Variants in MEGF9 observed in about 807,000 individuals in gnomAD.
MEGF9 encodes the protein multiple epidermal growth factor-like domains protein 9.
Under a neutral mutation model 46.8 loss-of-function variants are expected in MEGF9, and 6 were observed. That is an observed-to-expected ratio of 0.13 (90% CI 0.07 to 0.25). MEGF9 has a LOEUF of 0.25. MEGF9 is among the 10% of genes least tolerant of loss of function. MEGF9 has a pLI of 1.00. For synonymous variants in MEGF9, 302 were observed against 330.7 expected (o/e 0.91, Z 0.94); for missense variants, 683 against 792.4 (o/e 0.86, Z 1.66).
intron 2 of MEGF9, among the ~76,000 whole-genome samples, chr9:120,625,604 G>C (rs1007893348): frequency 2.0e-5 from 3 of 151,964 alleles, no homozygotes; most frequent in African/African-American, 7.3e-5. Flanking sequence ...CGGAGGCTGA[G>C]GCGAGTGGAT....
intron 1 of MEGF9, among the ~76,000 whole-genome samples, chr9:120,671,190 T>C (rs759651280): frequency 1.7e-4 from 26 of 152,202 alleles, no homozygotes; most frequent in Non-Finnish European, 3.4e-4. Context: ...TTACTGAGGA[T>C]TTTACTATGA....
chr9:120,698,996 T>C (rs1194249120), intron 1 of MEGF9, among the ~76,000 whole-genome samples: 3 of 152,172 alleles, frequency 2.0e-5, no homozygotes, highest in Non-Finnish European at 4.4e-5. Flanking sequence ...TGCTTTGGGC[T>C]TTCAGGGGCC....
chr9:120,608,052 C>A, intron 4 of MEGF9, 42 bp from the exon 5 acceptor site: 1 of 1,596,956 alleles, frequency 6.3e-7, no homozygotes, highest in Admixed American at 1.7e-5. Context: ...CAGTCTGAAG[C>A]TACAATTAAA....
rs555529288 is a variant in MEGF9 at position 120,631,433 on chromosome 9, T to C, written c.804-8678A>G. Among the ~76,000 whole-genome samples the C allele has an allele frequency of 9.2e-5, 14 of 152,276 alleles. No individual in the cohort carries two copies. In the South Asian group the frequency reaches 2.3e-3, roughly 25 times the overall value. On this transcript the variant is annotated intron_variant, in intron 2 of 5. Coordinates refer to ENST00000373930, the MANE Select transcript of MEGF9 (RefSeq NM_001080497.3). ...GTGTTGCCTCCAGCTTTGTTCTTTT[T>C]GCTCAGAATTTGAGTATTTGAGGTC...
Position 120,713,912 on chromosome 9 carries a change from C to G in MEGF9, c.447G>C (p.Ser149=), listed in dbSNP as rs917437821. Residue 149 remains serine (S), a synonymous_variant, in exon 1 of 6, where the codon TCG becomes TCC. Coordinates refer to ENST00000373930, the MANE Select transcript of MEGF9 (RefSeq NM_001080497.3). Reference sequence around the variant, plus strand: ...TGGTCGGCGCCGGGCCAGTGGTCGTCGAAAGGGTGGTCGGCGCGGGTCTGG... The same window carrying G: ...TGGTCGGCGCCGGGCCAGTGGTCGTGGAAAGGGTGGTCGGCGCGGGTCTGG... The part of the protein sequence containing the change: ...APTRPAPTTL[S]TTTGPAPTTP... 4.5e-6 allele frequency: 6 copies of G among 1,335,998 alleles called. No individual in the cohort carries two copies. In the African/African-American group the frequency reaches 7.5e-5, roughly 17 times the overall value. The allele number at this position is 1,335,998 out of a possible 1,614,324, so 82.8% of individuals were successfully genotyped here. A position where few individuals can be genotyped will look rare whatever the true frequency, so the allele number is the denominator to read the frequency against.
At chr9:120,647,807 T>C (rs1022085436) in intron 2 of MEGF9, among the ~76,000 whole-genome samples, 3 of 152,188 alleles carry the variant, frequency 2.0e-5, no homozygotes, top group African/African-American at 4.8e-5. Context: ...TTTTGAAACC[T>C]AACATCATCA....
chr9:120,689,297 A>T (rs1484882075), intron 1 of MEGF9, among the ~76,000 whole-genome samples: 1 of 152,188 alleles, frequency 6.6e-6, no homozygotes, highest in Non-Finnish European at 1.5e-5. Flanking sequence ...GTGTAACAAC[A>T]TCAAGGCAAA....
intron 2 of MEGF9, among the ~76,000 whole-genome samples, chr9:120,626,639 T>A (rs1157879185): frequency 6.6e-6 from 1 of 152,186 alleles, no homozygotes; most frequent in Non-Finnish European, 1.5e-5. Flanking sequence ...GCTTCAGAAT[T>A]TCCATTATTT....
intron 4 of MEGF9, among the ~76,000 whole-genome samples, chr9:120,610,911 AATG>A (rs2043442322): frequency 6.6e-6 from 1 of 152,186 alleles, no homozygotes; most frequent in Non-Finnish European, 1.5e-5. Flanking sequence ...ATTTCAACTC[AATG>A]ATAACAAGAT....
At chr9:120,703,436 A>G (rs2132344614) in intron 1 of MEGF9, among the ~76,000 whole-genome samples, 1 of 152,352 alleles carries the variant, frequency 6.6e-6, no homozygotes, top group South Asian at 2.1e-4. Flanking sequence ...AGTGTTTGCC[A>G]GTCATAAAGT....
rs923016945 is a variant in MEGF9 at position 120,704,333 on chromosome 9, C to T, written c.601+9425G>A. ...TGGGCGACAGAGCGAGACTGTGTCT[C>T]AAAAAAAAAAAAAAGAGATGAAATT... is the stretch of plus-strand genomic sequence containing the variant. On this transcript the variant is annotated intron_variant, in intron 1 of 5. Transcript: ENST00000373930. Among the ~76,000 whole-genome samples, 4 of 122,550 alleles carry T rather than the reference C, an allele frequency of 3.3e-5. No individual in the cohort carries two copies. In the East Asian group the frequency reaches 7.1e-4, roughly 22 times the overall value. 80.4% of individuals were successfully genotyped at this position (122,550 alleles called of 152,430 possible).
At chr9:120,619,117 A>G (rs1328228734) in intron 3 of MEGF9, among the ~76,000 whole-genome samples, 1 of 152,010 alleles carries the variant, frequency 6.6e-6, no homozygotes, top group Non-Finnish European at 1.5e-5. Context: ...AGGCCGAGGC[A>G]GGCGGATCAC....
chr9:120,629,168 C>T (rs1247158902), intron 2 of MEGF9, among the ~76,000 whole-genome samples: 1 of 152,052 alleles, frequency 6.6e-6, no homozygotes, highest in Non-Finnish European at 1.5e-5. Context: ...TTTGTAGAGA[C>T]AGGTTCACAT....
chr9:120,668,652 T>C (rs1451116999), intron 1 of MEGF9, among the ~76,000 whole-genome samples: 3 of 152,172 alleles, frequency 2.0e-5, no homozygotes, highest in Non-Finnish European at 4.4e-5. Flanking sequence ...CTGGAAAAGG[T>C]TGTAAAGGCT....
chr9:120,636,658 G>A (rs182989322), intron 2 of MEGF9, among the ~76,000 whole-genome samples: 28 of 152,054 alleles, frequency 1.8e-4, no homozygotes, highest in African/African-American at 6.5e-4. Context: ...TTCCTTCACT[G>A]TTTTTTTTAA....
intron 2 of MEGF9, among the ~76,000 whole-genome samples, chr9:120,631,781 G>A (rs1323302790): frequency 2.0e-5 from 3 of 151,990 alleles, no homozygotes; most frequent in East Asian, 1.9e-4. Context: ...CACTGTGCCC[G>A]GCCCTGTATT....
At position 120,605,157 on chromosome 9, in the gene MEGF9, T is replaced by C; in HGVS notation, c.*33A>G. On this transcript the variant is annotated 3_prime_UTR_variant, in exon 6 of 6. Coordinates refer to ENST00000373930, the MANE Select transcript of MEGF9 (RefSeq NM_001080497.3). This position sits in a 1 kb window ranked among gnomAD's most constrained non-coding sequence, Gnocchi z 4.0. ...GGGCTGACTCTGTCTTAGCAAGCAC[T>C]GTGGTTTAACAATTCAGAACAGTTC... 1 of 1,572,978 alleles carries C rather than the reference T, an allele frequency of 6.4e-7. No individual in the cohort carries two copies. Among genetic ancestry groups the C allele is most frequent in the Non-Finnish European group, 8.6e-7 (1 of 1,158,506 alleles).
chr9:120,666,520 T>C (rs73540325), intron 1 of MEGF9, among the ~76,000 whole-genome samples: 2,415 of 152,302 alleles, frequency 0.016, 62 homozygotes, highest in African/African-American at 0.055. Flanking sequence ...CTGGCAAGCA[T>C]GCAGGACTTT....
At chr9:120,645,539 C>T (rs1003065640) in intron 2 of MEGF9, among the ~76,000 whole-genome samples, 1 of 152,128 alleles carries the variant, frequency 6.6e-6, no homozygotes, top group Non-Finnish European at 1.5e-5. Context: ...AATCACATTC[C>T]TTTTATACCT....
Sources: allele counts gnomAD v4.1 joint callset (sites outside exome capture counted in the v4.1 genomes callset), GRCh38; gene constraint gnomAD v4.1.1; non-coding constraint Gnocchi (gnomAD v3.1); transcripts MANE v1.5; gene names NCBI Gene and HGNC (gene_info 2026-07-23, HGNC 2026-07-21).